Variants in ACTR3C observed in about 807,000 individuals in gnomAD.
ACTR3C encodes actin-related protein 3C.
In ACTR3C, 18 loss-of-function variants were observed where a neutral mutation model predicts 26.3. The ratio of observed to expected loss-of-function variants is 0.68; its 90% CI spans 0.47 to 1.01. The LOEUF (loss-of-function observed/expected upper bound fraction) is 1.01, where lower values mean the gene tolerates loss of function less well. Ranked by LOEUF, ACTR3C falls within the 50% of genes least tolerant of loss-of-function variation. The pLI, the probability that ACTR3C is intolerant of heterozygous loss-of-function variation, is 0.00. For missense variants in ACTR3C, 184 were observed against 250.7 expected (o/e 0.73, Z 1.80); for synonymous variants, 55 against 94.5 (o/e 0.58, Z 2.42).
At chr7:150,314,317 A>G in intron 1 of ACTR3C, among the ~76,000 whole-genome samples, 1 of 152,240 alleles carries the variant, frequency 6.6e-6, no homozygotes, top group East Asian at 1.9e-4. Context: ...TTCTTGAACT[A>G]TTTAATACAC....
chr7:150,006,418 C>T, the ACTR3C span, among the ~76,000 whole-genome samples: 4 of 147,436 alleles, frequency 2.7e-5, no homozygotes, highest in South Asian at 2.2e-4. Context: ...AGGATGGTCT[C>T]GATCTCCTGA....
At chr7:150,036,478 G>T in the ACTR3C span, among the ~76,000 whole-genome samples, 49 of 145,928 alleles carry the variant, frequency 3.4e-4, 1 homozygote, top group Non-Finnish European at 4.7e-5. Context: ...CCCAGGGCTG[G>T]GGCTGCCAGA....
intron 6 of ACTR3C, among the ~76,000 whole-genome samples, chr7:150,265,996 C>G (rs1834008389): frequency 6.6e-6 from 1 of 151,734 alleles, no homozygotes; most frequent in Non-Finnish European, 1.5e-5. Flanking sequence ...TAATACAGAA[C>G]TTTAATCTGC....
At chr7:150,080,109 AG>A in the ACTR3C span, among the ~76,000 whole-genome samples, 1 of 152,122 alleles carries the variant, frequency 6.6e-6, no homozygotes, top group Non-Finnish European at 1.5e-5. Flanking sequence ...TAGGAGAAAA[AG>A]CTCTGGATCA....
the ACTR3C span, among the ~76,000 whole-genome samples, chr7:150,151,126 AT>A: frequency 8.5e-6 from 1 of 117,054 alleles, no homozygotes; most frequent in African/African-American, 3.0e-5. Context: ...TGAGATAATA[AT>A]TATTTATCTC....
the ACTR3C span, among the ~76,000 whole-genome samples, chr7:149,903,562 G>A: frequency 6.6e-6 from 1 of 151,540 alleles, no homozygotes; most frequent in Non-Finnish European, 1.5e-5. Flanking sequence ...TTGTTTTTGA[G>A]ACAAAGTCTC....
chr7:150,102,809 G>A, the ACTR3C span, among the ~76,000 whole-genome samples: 1 of 151,782 alleles, frequency 6.6e-6, no homozygotes, highest in South Asian at 2.1e-4. Context: ...CTCAGCAGCT[G>A]CCCAGTGCTT....
At chr7:150,122,506 A>G in the ACTR3C span, among the ~76,000 whole-genome samples, 2 of 152,260 alleles carry the variant, frequency 1.3e-5, no homozygotes, top group African/African-American at 4.8e-5. Context: ...ATCACTGGTC[A>G]TGAGAGAAAT....
At chr7:149,971,988 C>T in the ACTR3C span, among the ~76,000 whole-genome samples, 56,338 of 152,068 alleles carry the variant, frequency 0.37, 10,790 homozygotes, top group Middle Eastern at 0.44. Context: ...CCTGCTTTTT[C>T]TTCCTAGGTA....
Position 150,284,759 on chromosome 7 carries a change from C to T in ACTR3C, c.558G>A (p.Leu186=), listed in dbSNP as rs368172014. 1.9e-6 allele frequency: 3 copies of T among 1,611,792 alleles called. No homozygotes were observed. Among genetic ancestry groups the T allele is most frequent in the Non-Finnish European group, 2.5e-6 (3 of 1,179,190 alleles). The stretch of plus-strand genomic sequence containing the variant: ...TTACCCATGCAGCTCATACCTTATA[C>T]AGCGGACGCCGCACATCGATGGGGC... ...QNCPIDVRRP[L]YKMEQIPLSY... Residue 186 remains leucine, a synonymous_variant, in exon 6 of 8, where the codon CTG becomes CTA. Transcript: ENST00000683684.
chr7:149,932,600 G>T, the ACTR3C span, among the ~76,000 whole-genome samples: 3 of 152,054 alleles, frequency 2.0e-5, no homozygotes, highest in African/African-American at 7.3e-5. Flanking sequence ...ACAGTCATTT[G>T]CTGGCTCTTT....
At chr7:150,235,947 A>G in the ACTR3C span, among the ~76,000 whole-genome samples, 2 of 151,480 alleles carry the variant, frequency 1.3e-5, no homozygotes, top group African/African-American at 4.9e-5. Flanking sequence ...CTTTACACCA[A>G]CTAAGCAGGC....
At chr7:150,035,887 GGA>G in the ACTR3C span, among the ~76,000 whole-genome samples, 1 of 138,764 alleles carries the variant, frequency 7.2e-6, no homozygotes, top group East Asian at 2.1e-4. Flanking sequence ...GCGGAAGAGG[GGA>G]TAGCTCTCAG....
chr7:150,070,019 C>T, the ACTR3C span, among the ~76,000 whole-genome samples: 1 of 152,298 alleles, frequency 6.6e-6, no homozygotes, highest in African/African-American at 2.4e-5. Context: ...ACATGGACGC[C>T]TTCCCAAGAA....
the ACTR3C span, among the ~76,000 whole-genome samples, chr7:150,113,074 A>C: frequency 1.3e-5 from 2 of 151,982 alleles, no homozygotes; most frequent in Non-Finnish European, 2.9e-5. Context: ...CCAAGGGGAA[A>C]CAGATGGGGA....
the ACTR3C span, among the ~76,000 whole-genome samples, chr7:149,987,424 G>A: frequency 2.1e-5 from 3 of 146,196 alleles, no homozygotes; most frequent in African/African-American, 7.4e-5. Flanking sequence ...AAATTAGCTG[G>A]GCATGGTGGT....
At chr7:150,139,164 T>C in the ACTR3C span, among the ~76,000 whole-genome samples, 1 of 152,244 alleles carries the variant, frequency 6.6e-6, no homozygotes, top group Admixed American at 6.5e-5. Flanking sequence ...GGAAAAATTG[T>C]CTTCCATGAA....
At chr7:150,108,627 T>G in the ACTR3C span, among the ~76,000 whole-genome samples, 1 of 149,532 alleles carries the variant, frequency 6.7e-6, no homozygotes, top group South Asian at 2.1e-4. Context: ...ATGCAATTAA[T>G]GTATTTTAAA....
At chr7:150,080,527 A>ATG in the ACTR3C span, among the ~76,000 whole-genome samples, 11,240 of 142,516 alleles carry the variant, frequency 0.079, 383 homozygotes, top group Non-Finnish European at 0.088. Context: ...TTGTGTGTGT[A>ATG]TGTGTGTGTG....
Sources: allele counts gnomAD v4.1 joint callset (sites outside exome capture counted in the v4.1 genomes callset), GRCh38; gene constraint gnomAD v4.1.1; transcripts MANE v1.5; gene names NCBI Gene and HGNC (gene_info 2026-07-23, HGNC 2026-07-21).